PRKCH: variants seen among roughly 807,000 people sequenced by gnomAD.
PRKCH encodes the protein protein kinase C eta type.
Under a neutral mutation model 82.5 loss-of-function variants are expected in PRKCH, and 28 were observed. The ratio of observed to expected loss-of-function variants is 0.34; its 90% CI spans 0.25 to 0.47. The LOEUF (loss-of-function observed/expected upper bound fraction) is 0.47, where lower values mean the gene tolerates loss of function less well. Ranked by LOEUF, PRKCH falls within the 20% of genes least tolerant of loss-of-function variation. PRKCH has a pLI of 1.00. For missense variants in PRKCH, 705 were observed against 881.8 expected (o/e 0.80, Z 2.54); for synonymous variants, 322 against 327.4 (o/e 0.98, Z 0.18).
chr14:61,245,618 A>G (rs934301823), intron 1 of PRKCH, among the ~76,000 whole-genome samples: 18 of 151,918 alleles, frequency 1.2e-4, no homozygotes, highest in Non-Finnish European at 1.9e-4. Flanking sequence ...GATGAGAATT[A>G]AGTAGGCATT....
intron 9 of PRKCH, among the ~76,000 whole-genome samples, chr14:61,481,485 C>T (rs1011005227): frequency 1.3e-5 from 2 of 152,226 alleles, no homozygotes; most frequent in South Asian, 2.1e-4. Flanking sequence ...TGCTTTCTGA[C>T]TCCCATTGCC....
intron 1 of PRKCH, among the ~76,000 whole-genome samples, chr14:61,359,595 T>G (rs2046196680): frequency 6.6e-6 from 1 of 152,222 alleles, no homozygotes; most frequent in Admixed American, 6.5e-5. Flanking sequence ...GGGAACTTCT[T>G]GTATACTCTG....
chr14:61,464,901 C>T (rs1197700903), intron 9 of PRKCH, among the ~76,000 whole-genome samples: 2 of 152,178 alleles, frequency 1.3e-5, no homozygotes, highest in Admixed American at 6.5e-5. Flanking sequence ...TGGGTATATA[C>T]CCAGTAATGG....
At position 61,280,548 on chromosome 14, in the gene PRKCH, G is replaced by A. The variant is rs1266997351; in HGVS notation, c.-19+92880G>A. 12 of 1,611,252 alleles carry A rather than the reference G, an allele frequency of 7.4e-6. No individual in the cohort carries two copies. The highest frequency in any genetic ancestry group is 1.0e-5 in the Non-Finnish European group (12 of 1,179,014). On this transcript the variant is annotated intron_variant, in intron 1 of 3. Transcript: ENST00000555185. The surrounding 1 kb of genome is among the most constrained non-coding windows in gnomAD (Gnocchi z 5.0). ...GGTTGCGGAACTTGACGTGGTAGTC[G>A]GTCCACCAGGCGATGCCGGAGCGGT...
chr14:61,213,539 C>A (rs1384534251), intron 1 of PRKCH, among the ~76,000 whole-genome samples: 4 of 152,172 alleles, frequency 2.6e-5, no homozygotes, highest in African/African-American at 7.2e-5. Context: ...GACTTCATGG[C>A]CATCAAAAGC....
At chr14:61,430,420 A>G (rs1429221576) in intron 2 of PRKCH, among the ~76,000 whole-genome samples, 6 of 152,158 alleles carry the variant, frequency 3.9e-5, no homozygotes, top group Non-Finnish European at 8.8e-5. Context: ...AACTAAACAG[A>G]CCACTACCTT....
chr14:61,501,061 A>G (rs1044418302), intron 10 of PRKCH, among the ~76,000 whole-genome samples: 1 of 152,166 alleles, frequency 6.6e-6, no homozygotes, highest in Non-Finnish European at 1.5e-5. Context: ...ATTCTGTGAT[A>G]TTGTACCAAC....
intron 1 of PRKCH, among the ~76,000 whole-genome samples, chr14:61,371,043 G>A (rs1199462391): frequency 6.6e-6 from 1 of 152,034 alleles, no homozygotes; most frequent in Non-Finnish European, 1.5e-5. Flanking sequence ...CATCTATTTA[G>A]TGAATAACCA....
chr14:61,376,275 T>C (rs1288395785), intron 1 of PRKCH, among the ~76,000 whole-genome samples: 1 of 152,194 alleles, frequency 6.6e-6, no homozygotes, highest in Non-Finnish European at 1.5e-5. Context: ...TCTCATTCTC[T>C]AAACATGGCT....
intron 1 of PRKCH, among the ~76,000 whole-genome samples, chr14:61,189,793 A>G (rs563161666): frequency 2.6e-4 from 40 of 151,976 alleles, no homozygotes; most frequent in African/African-American, 9.7e-4. Flanking sequence ...ATGTAAAGCA[A>G]ATGTTCAGAA....
intron 5 of PRKCH, among the ~76,000 whole-genome samples, chr14:61,450,027 C>T (rs981650830): frequency 5.3e-5 from 8 of 152,072 alleles, no homozygotes; most frequent in African/African-American, 1.9e-4. Flanking sequence ...GTGTTGCTGA[C>T]ATTTAGCAGT....
chr14:61,394,131 C>T (rs1258826941), intron 2 of PRKCH, among the ~76,000 whole-genome samples: 1 of 152,194 alleles, frequency 6.6e-6, no homozygotes, highest in Non-Finnish European at 1.5e-5. Context: ...GTTTTCTCCA[C>T]TCCTTTCAGC....
intron 9 of PRKCH, among the ~76,000 whole-genome samples, chr14:61,471,206 A>G (rs1885487753): frequency 6.6e-6 from 1 of 152,256 alleles, no homozygotes; most frequent in Non-Finnish European, 1.5e-5. Context: ...CAAGGCAGCA[A>G]TCATGGGAGT....
intron 1 of PRKCH, among the ~76,000 whole-genome samples, chr14:61,198,392 G>C (rs754262629): frequency 5.3e-5 from 8 of 152,116 alleles, no homozygotes; most frequent in African/African-American, 1.9e-4. Context: ...TGTTTCCTCT[G>C]TTGGAAAGCC....
upstream of PRKCH, among the ~76,000 whole-genome samples, chr14:61,321,304 C>G (rs1199434320): frequency 6.6e-6 from 1 of 152,204 alleles, no homozygotes; most frequent in Non-Finnish European, 1.5e-5. This position sits in a 1 kb window ranked among gnomAD's most constrained non-coding sequence, Gnocchi z 4.1. Flanking sequence ...TGCGTCCTCC[C>G]AACCTTCCAT....
At chr14:61,389,304 T>C (rs61990680) in intron 1 of PRKCH, among the ~76,000 whole-genome samples, 37,059 of 151,434 alleles carry the variant, frequency 0.24, 5,618 homozygotes, top group African/African-American at 0.43. Context: ...GAGTCATGAT[T>C]GCAGCATTGA....
chr14:61,215,725 C>T (rs2044611538), intron 1 of PRKCH, among the ~76,000 whole-genome samples: 2 of 152,110 alleles, frequency 1.3e-5, no homozygotes, highest in African/African-American at 4.8e-5. Flanking sequence ...CAGGGCTTGC[C>T]ATGTTTCGAT....
At chr14:61,477,465 T>C (rs1885777638) in intron 9 of PRKCH, among the ~76,000 whole-genome samples, 1 of 152,224 alleles carries the variant, frequency 6.6e-6, no homozygotes, top group Non-Finnish European at 1.5e-5. Flanking sequence ...AACAGATTTT[T>C]TCTTTAAATG....
chr14:61,321,878 C>A lies in PRKCH; in HGVS notation c.-224C>A, dbSNP rs11622327. The A allele has an allele frequency of 6.5e-3, 3,057 of 466,790 alleles. 18 individuals are homozygous for A. Among genetic ancestry groups the A allele is most frequent in the Non-Finnish European group, 9.2e-3 (2,407 of 260,816 alleles). The allele number at this position is 466,790 out of a possible 1,614,324, so 28.9% of individuals were successfully genotyped here. Reference sequence around the variant, plus strand: ...GGGCTTCCCCGGCCCGCTGAGGGCTCGGCGGCGGGCTCCCCTCCTTTCCAC... The same window carrying A: ...GGGCTTCCCCGGCCCGCTGAGGGCTAGGCGGCGGGCTCCCCTCCTTTCCAC... On this transcript the variant is annotated 5_prime_UTR_variant, in exon 1 of 14. Coordinates refer to ENST00000332981, the MANE Select transcript of PRKCH (RefSeq NM_006255.5). This position sits in a 1 kb window ranked among gnomAD's most constrained non-coding sequence, Gnocchi z 4.1.
Sources: gnomAD v4.1 joint callset for allele counts (sites outside exome capture counted in the v4.1 genomes callset) on GRCh38, gnomAD v4.1.1 for gene constraint, Gnocchi (gnomAD v3.1) non-coding constraint, MANE v1.5 for transcripts, NCBI Gene and HGNC (gene_info 2026-07-23, HGNC 2026-07-21) for gene names.